STAB2: variants seen among roughly 807,000 people sequenced by gnomAD.
The protein encoded by STAB2 is stabilin-2.
A neutral mutation model predicts 338.1 loss-of-function variants in STAB2; 288 were observed. The observed-to-expected ratio is 0.85, with a 90% CI of 0.77 to 0.94. STAB2 has a LOEUF of 0.94. STAB2 is among the 40% of genes least tolerant of loss of function. The pLI is 0.00. For synonymous variants in STAB2, 1,202 were observed against 1,193.3 expected (o/e 1.01, Z -0.15); for missense variants, 3,141 against 3,210.1 (o/e 0.98, Z 0.52).
intron 6 of STAB2, among the ~76,000 whole-genome samples, chr12:103,632,942 GT>G (rs1487053533): frequency 6.6e-6 from 1 of 152,242 alleles, no homozygotes; most frequent in Non-Finnish European, 1.5e-5. Flanking sequence ...AAAGGGTTGG[GT>G]GAGATTGAAA....
rs575519488 is a variant in STAB2 at position 103,761,750 on chromosome 12, C to A, written c.7359+340C>A. Among the ~76,000 whole-genome samples the A allele has an allele frequency of 4.8e-4, 73 of 152,318 alleles. No homozygotes were observed. In the Middle Eastern group the frequency reaches 0.017, roughly 35 times the overall value. ...TAGCATCTCTGAGTCCCAATTTTCT[C>A]ATCTGCAAAATGGGGCTCATAATGC... On this transcript the variant is annotated intron_variant, in intron 66 of 68. Transcript: ENST00000388887.
chr12:103,713,962 G>A (rs886768090), intron 42 of STAB2, among the ~76,000 whole-genome samples, 194 bp downstream of exon 42: 8 of 152,164 alleles, frequency 5.3e-5, no homozygotes, highest in East Asian at 1.9e-4. Context: ...AAATTACTTC[G>A]GAAGGGTAAA....
intron 27 of STAB2, among the ~76,000 whole-genome samples, chr12:103,685,523 T>G (rs1260003048): frequency 1.8e-4 from 27 of 151,860 alleles, no homozygotes; most frequent in Admixed American, 1.8e-3. Context: ...CCAGGCGTCT[T>G]GCTCAGTCCT....
chr12:103,677,500 G>T lies in STAB2; in HGVS notation c.2694G>T (p.Gln898His). The change falls in exon 25 of 69, where the codon CAG (glutamine) becomes CAT (histidine). Residue 898 changes from glutamine (Q) to histidine (H), a missense_variant. Physicochemically the swap from Gln to His is conservative, Grantham distance 24 (BLOSUM62 0). Coordinates refer to ENST00000388887, the MANE Select transcript of STAB2 (RefSeq NM_017564.10). Reference protein sequence around the residue: ...TGTGTHTCVCQQGWTGNGRDC... With the variant: ...TGTGTHTCVCHQGWTGNGRDC... ...CGGGCACCCACACCTGCGTGTGTCA[G>T]CAGGGTTGGACAGGGAATGGGAGAG... 1 of 1,614,072 alleles carries T rather than the reference G, an allele frequency of 6.2e-7. No homozygotes were observed. Among genetic ancestry groups the T allele is most frequent in the East Asian group, 2.2e-5 (1 of 44,886 alleles).
chr12:103,643,527 C>T (rs779528901), intron 9 of STAB2, among the ~76,000 whole-genome samples: 10 of 152,096 alleles, frequency 6.6e-5, no homozygotes, highest in Non-Finnish European at 1.2e-4. Context: ...ATGCCCCTCC[C>T]TCTGGGCTCC....
chr12:103,640,360 T>C, intron 9 of STAB2, 104 bp downstream of exon 9: 1 of 1,454,950 alleles, frequency 6.9e-7, no homozygotes. Context: ...TTATTCAGCC[T>C]TGCATCCACC....
chr12:103,761,402 G>A lies in STAB2; in HGVS notation c.7351G>A (p.Ala2451Thr). The part of the protein sequence containing the change: ...VISRPLKAPP[A>T]PVTLTHTGLG... ...TTCCAGGCCTTTAAAAGCACCCCCT[G>A]CCCCCGTGGTGAGTATCTAGGGTCC... The change falls in exon 66 of 69, where the codon GCC becomes ACC. Residue 2451 changes from alanine (A) to threonine (T), a missense_variant. By Grantham distance (58) the Ala-to-Thr change is moderately conservative (BLOSUM62 0). Coordinates refer to ENST00000388887, the MANE Select transcript of STAB2 (RefSeq NM_017564.10). 6.2e-7 allele frequency: 1 copy of A among 1,613,346 alleles called. No individual in the cohort carries two copies. The highest frequency in any genetic ancestry group is 8.5e-7 in the Non-Finnish European group (1 of 1,179,918).
chr12:103,656,730 A>G (rs1874210626), intron 15 of STAB2, among the ~76,000 whole-genome samples: 1 of 137,514 alleles, frequency 7.3e-6, no homozygotes, highest in Admixed American at 8.0e-5. Flanking sequence ...CCCAGGCCGG[A>G]CTGCGGACTG....
At chr12:103,657,698 C>T (rs868827319) in intron 15 of STAB2, 7 of 152,220 alleles carry the variant, frequency 4.6e-5, no homozygotes, top group South Asian at 2.1e-4. Context: ...GAACATGAAA[C>T]TTCAGGTCTC....
At chr12:103,657,366 C>T (rs969930502) in intron 15 of STAB2, among the ~76,000 whole-genome samples, 4 of 151,942 alleles carry the variant, frequency 2.6e-5, no homozygotes, top group African/African-American at 9.7e-5. Context: ...TTCTATGACA[C>T]ACTTAAAATT....
intron 44 of STAB2, among the ~76,000 whole-genome samples, chr12:103,724,476 C>A (rs1013324408): frequency 2.0e-5 from 3 of 152,078 alleles, no homozygotes; most frequent in Non-Finnish European, 4.4e-5. Flanking sequence ...GTGAGCGTTC[C>A]CATGGATGTT....
chr12:103,604,695 G>A (rs1452179770), intron 3 of STAB2, among the ~76,000 whole-genome samples: 1 of 151,692 alleles, frequency 6.6e-6, no homozygotes, highest in African/African-American at 2.4e-5. Context: ...AAGATTTGTA[G>A]TGATGTCCCC....
chr12:103,688,442 G>T (rs1317906418), intron 28 of STAB2, among the ~76,000 whole-genome samples: 2 of 152,150 alleles, frequency 1.3e-5, no homozygotes, highest in East Asian at 3.9e-4. Flanking sequence ...TCAGAGGTTT[G>T]CTCTGAGCAT....
intron 34 of STAB2, among the ~76,000 whole-genome samples, chr12:103,701,256 T>A (rs1010106381): frequency 1.4e-4 from 21 of 152,024 alleles, no homozygotes; most frequent in African/African-American, 5.1e-4. Flanking sequence ...TCTATCATTG[T>A]TGGACATTTG....
chr12:103,639,704 CA>C (rs11449305), intron 8 of STAB2, among the ~76,000 whole-genome samples: 28,424 of 91,838 alleles, frequency 0.31, 2,181 homozygotes, highest in South Asian at 0.47. Context: ...GACCCTGTCT[CA>C]AAAAAAAAAA....
intron 1 of STAB2, among the ~76,000 whole-genome samples, chr12:103,588,925 T>C (rs1956755138): frequency 6.6e-6 from 1 of 152,180 alleles, no homozygotes; most frequent in Non-Finnish European, 1.5e-5. Context: ...TGAAAACTCC[T>C]GGTAAAAATA....
intron 1 of STAB2, among the ~76,000 whole-genome samples, chr12:103,588,412 G>A (rs1956745353): frequency 2.0e-5 from 3 of 152,118 alleles, no homozygotes; most frequent in African/African-American, 7.2e-5. Context: ...GTTTGACCCT[G>A]AGCACGTTTT....
chr12:103,753,502 AT>A, intron 61 of STAB2, 149 bp downstream of exon 61: 1 of 1,067,476 alleles, frequency 9.4e-7, no homozygotes, highest in African/African-American at 1.6e-5. Flanking sequence ...CACCATGTCC[AT>A]TTATTGGGCA....
rs765295130 is a variant in STAB2, at chr12:103,755,341, GGGCGGGTTGCCT to G, written c.6755_6766del (p.Gly2252_Tyr2256delinsAsp). The G allele has an allele frequency of 6.2e-7, 1 of 1,614,098 alleles. No homozygotes were observed. Among genetic ancestry groups the G allele is most frequent in the South Asian group, 1.1e-5 (1 of 91,080 alleles). On this transcript the variant is annotated inframe_deletion, in exon 62 of 69. Transcript: ENST00000388887. Reference sequence around the variant, plus strand: ...GTGCTCAGCAGGCTGGCTGGAGACCGGGCGGGTTGCCTACCCCACAGCCTTCGCCTCCCAGAA... The same window carrying G: ...GTGCTCAGCAGGCTGGCTGGAGACCGACCCCACAGCCTTCGCCTCCCAGAA...
Sources: gnomAD v4.1 joint callset for allele counts (sites outside exome capture counted in the v4.1 genomes callset) on GRCh38, gnomAD v4.1.1 for gene constraint, MANE v1.5 for transcripts, NCBI Gene and HGNC (gene_info 2026-07-23, HGNC 2026-07-21) for gene names.